The following INPP4B variants were observed in gnomAD, a reference collection of about 807,000 sequenced individuals.
The protein encoded by INPP4B is inositol polyphosphate 4-phosphatase type II.
Under a neutral mutation model 122.5 loss-of-function variants are expected in INPP4B, and 55 were observed. That is an observed-to-expected ratio of 0.45 (90% CI 0.36 to 0.56). INPP4B has a LOEUF of 0.56. Ranked by LOEUF, INPP4B falls within the 20% of genes least tolerant of loss-of-function variation. INPP4B has a pLI of 0.00. For synonymous variants in INPP4B, 403 were observed against 388.7 expected (o/e 1.04, Z -0.43); for missense variants, 1,000 against 1,097.7 (o/e 0.91, Z 1.26).
chr4:142,476,474 C>T (rs1366990406), intron 2 of INPP4B, among the ~76,000 whole-genome samples: 1 of 151,990 alleles, frequency 6.6e-6, no homozygotes, highest in Non-Finnish European at 1.5e-5. Context: ...CAGGCTCAAA[C>T]CTTAAATGTA....
intron 3 of INPP4B, among the ~76,000 whole-genome samples, chr4:142,451,506 C>T (rs1461278345): frequency 6.6e-6 from 1 of 152,114 alleles, no homozygotes; most frequent in African/African-American, 2.4e-5. Context: ...CTGCCTCAGC[C>T]TCCCAAAATG....
At position 142,807,981 on chromosome 4, in the gene INPP4B, G is replaced by A. The variant is rs140778814; in HGVS notation, c.-254+38228C>T. Among the ~76,000 whole-genome samples the A allele has an allele frequency of 5.4e-3, 815 of 152,190 alleles. 4 individuals carry two copies. Among genetic ancestry groups the A allele is most frequent in the Non-Finnish European group, 9.3e-3 (630 of 68,008 alleles). On this transcript the variant is annotated intron_variant, in intron 1 of 25. Coordinates refer to ENST00000262992, the MANE Select transcript of INPP4B (RefSeq NM_001101669.3). ...GGTGGTGTTTTGATTTTCCAACTTC[G>A]TTATAAATATTTAAGTTGCCAAGTT...
chr4:142,622,881 T>C (rs1183710365), intron 2 of INPP4B, among the ~76,000 whole-genome samples: 1 of 152,004 alleles, frequency 6.6e-6, no homozygotes, highest in Non-Finnish European at 1.5e-5. Context: ...GATTCACCCA[T>C]TTAAAGCATA....
intron 2 of INPP4B, among the ~76,000 whole-genome samples, chr4:142,544,923 T>C (rs550969652): frequency 6.6e-6 from 1 of 152,070 alleles, no homozygotes; most frequent in African/African-American, 2.4e-5. Context: ...GGGGAAAAAA[T>C]TTCTCTTACG....
intron 2 of INPP4B, among the ~76,000 whole-genome samples, chr4:142,490,436 T>C (rs548990522): frequency 1.3e-5 from 2 of 152,198 alleles, no homozygotes; most frequent in African/African-American, 4.8e-5. Flanking sequence ...TCTTTCTAAC[T>C]GACACATAAA....
chr4:142,669,477 T>C (rs79633289), intron 2 of INPP4B, among the ~76,000 whole-genome samples: 1,748 of 151,996 alleles, frequency 0.012, 31 homozygotes, highest in African/African-American at 0.032. Flanking sequence ...CAGAGACCAA[T>C]GAAGCAGAAA....
chr4:142,242,416 G>A (rs906911273), intron 11 of INPP4B, among the ~76,000 whole-genome samples: 6 of 152,166 alleles, frequency 3.9e-5, no homozygotes, highest in Admixed American at 1.3e-4. Context: ...CGTATTATTT[G>A]TCTGCAGTTG....
chr4:142,318,798 C>G (rs558570661), intron 7 of INPP4B, among the ~76,000 whole-genome samples: 2 of 152,234 alleles, frequency 1.3e-5, no homozygotes, highest in South Asian at 4.2e-4. Flanking sequence ...AAAACAAAAC[C>G]AGGTAGCATA....
chr4:142,080,676 T>G (rs1773446964), intron 25 of INPP4B, among the ~76,000 whole-genome samples: 1 of 152,120 alleles, frequency 6.6e-6, no homozygotes, highest in African/African-American at 2.4e-5. Flanking sequence ...ATGTCTAATT[T>G]AAGGGTCCCC....
chr4:142,790,207 C>G (rs1776346568), intron 1 of INPP4B, among the ~76,000 whole-genome samples: 1 of 151,990 alleles, frequency 6.6e-6, no homozygotes, highest in African/African-American at 2.4e-5. Context: ...AAAGCAAATC[C>G]AATAAAAACA....
chr4:142,290,195 C>CTTTTTTTTTTTTTTT (rs35260066), intron 9 of INPP4B, among the ~76,000 whole-genome samples: 7 of 77,504 alleles, frequency 9.0e-5, no homozygotes, highest in East Asian at 4.3e-4. Flanking sequence ...TTCTTTCTTC[C>CTTTTTTTTTTTTTTT]TTTTTTTTTT....
chr4:142,498,842 T>A (rs1822997236), intron 2 of INPP4B, among the ~76,000 whole-genome samples: 1 of 151,980 alleles, frequency 6.6e-6, no homozygotes, highest in Non-Finnish European at 1.5e-5. Flanking sequence ...AAATAAATAA[T>A]TAATTGATTA....
chr4:142,547,843 G>C (rs1386293879), intron 2 of INPP4B, among the ~76,000 whole-genome samples: 4 of 151,994 alleles, frequency 2.6e-5, no homozygotes, highest in Admixed American at 6.6e-5. Context: ...ATTATACCTT[G>C]GTCTCTTCTT....
At chr4:142,246,154 G>A (rs10029437) in intron 11 of INPP4B, among the ~76,000 whole-genome samples, 119,800 of 147,568 alleles carry the variant, frequency 0.81, 49,081 homozygotes, top group East Asian at 0.93. Flanking sequence ...ATACATATAT[G>A]TGTTTTGGTA....
intron 1 of INPP4B, among the ~76,000 whole-genome samples, chr4:142,812,237 C>T (rs754282801): frequency 2.5e-4 from 38 of 152,144 alleles, no homozygotes; most frequent in Non-Finnish European, 4.7e-4. Context: ...CCCACACACC[C>T]ATGGTATTTT....
intron 2 of INPP4B, among the ~76,000 whole-genome samples, chr4:142,563,954 C>G (rs1035472997): frequency 2.6e-5 from 4 of 152,160 alleles, no homozygotes; most frequent in Non-Finnish European, 5.9e-5. Context: ...ATTGTATCAA[C>G]AGAAGAACTA....
intron 1 of INPP4B, among the ~76,000 whole-genome samples, chr4:142,755,167 C>A (rs1002620349): frequency 1.3e-5 from 2 of 151,930 alleles, no homozygotes; most frequent in African/African-American, 4.8e-5. Flanking sequence ...CTTAAGTTAG[C>A]ATTGAAATTA....
At chr4:142,815,500 T>C (rs1780008531) in intron 1 of INPP4B, among the ~76,000 whole-genome samples, 1 of 152,152 alleles carries the variant, frequency 6.6e-6, no homozygotes, top group Non-Finnish European at 1.5e-5. Context: ...TATACTAATA[T>C]AACTCTATTG....
At chr4:142,606,230 G>A (rs1447825348) in intron 2 of INPP4B, among the ~76,000 whole-genome samples, 1 of 151,852 alleles carries the variant, frequency 6.6e-6, no homozygotes, top group African/African-American at 2.4e-5. Flanking sequence ...GAACTAGAAT[G>A]ATAGATATCA....
Sources: allele counts gnomAD v4.1 joint callset (sites outside exome capture counted in the v4.1 genomes callset), GRCh38; gene constraint gnomAD v4.1.1; transcripts MANE v1.5; gene names NCBI Gene and HGNC (gene_info 2026-07-23, HGNC 2026-07-21).